The following GRIK2 variants were observed in gnomAD, a reference collection of about 807,000 sequenced individuals.
GRIK2 encodes glutamate ionotropic receptor kainate type subunit 2, also known as glutamate receptor ionotropic, kainate 2.
Under a neutral mutation model 100.3 loss-of-function variants are expected in GRIK2, and 32 were observed. The ratio of observed to expected loss-of-function variants is 0.32; its 90% CI spans 0.24 to 0.43. The LOEUF is 0.43. GRIK2 is among the 20% of genes least tolerant of loss of function. GRIK2 has a pLI of 1.00. For synonymous variants in GRIK2, 417 were observed against 389.4 expected, an observed-to-expected ratio of 1.07 and a Z score of -0.83; for missense variants, 843 against 1,114.9, an observed-to-expected ratio of 0.76 and a Z score of 3.47.
intron 9 of GRIK2, among the ~76,000 whole-genome samples, chr6:101,806,420 A>G (rs1583186680): frequency 6.6e-6 from 1 of 152,018 alleles, no homozygotes; most frequent in African/African-American, 2.4e-5. Context: ...AATTCCCACA[A>G]GCCTCTCTCT....
intron 2 of GRIK2, among the ~76,000 whole-genome samples, chr6:101,429,914 G>A (rs1191626555): frequency 6.6e-6 from 1 of 152,098 alleles, no homozygotes; most frequent in East Asian, 1.9e-4. Context: ...AACAGCCCAC[G>A]GTGTTCTGGC....
At chr6:101,681,782 A>G (rs774366577) in intron 5 of GRIK2, among the ~76,000 whole-genome samples, 4 of 152,146 alleles carry the variant, frequency 2.6e-5, no homozygotes, top group Non-Finnish European at 5.9e-5. Flanking sequence ...ATTGTTTCCT[A>G]CTAAGAACTC....
intron 9 of GRIK2, among the ~76,000 whole-genome samples, chr6:101,817,645 A>G (rs1486682717): frequency 6.6e-6 from 1 of 152,204 alleles, no homozygotes; most frequent in Non-Finnish European, 1.5e-5. Flanking sequence ...GCTTATCTGC[A>G]TTATCTCATA....
chr6:101,865,236 A>C (rs1249618825), intron 11 of GRIK2, among the ~76,000 whole-genome samples: 2 of 152,150 alleles, frequency 1.3e-5, no homozygotes, highest in Non-Finnish European at 2.9e-5. Flanking sequence ...TTTTAAGAAG[A>C]CTCACGATGC....
At chr6:101,415,619 C>T (rs547892040) in intron 2 of GRIK2, among the ~76,000 whole-genome samples, 91 of 152,170 alleles carry the variant, frequency 6.0e-4, no homozygotes, top group African/African-American at 2.1e-3. Flanking sequence ...ATCCACCCGC[C>T]TCGGCCTCCC....
At chr6:101,777,396 G>A (rs1193907379) in intron 7 of GRIK2, among the ~76,000 whole-genome samples, 1 of 152,176 alleles carries the variant, frequency 6.6e-6, no homozygotes, top group South Asian at 2.1e-4. Context: ...TGTGCTGACT[G>A]TGCAAGGGAG....
intron 7 of GRIK2, among the ~76,000 whole-genome samples, chr6:101,797,896 T>G (rs1156266179): frequency 6.7e-6 from 1 of 150,128 alleles, no homozygotes; most frequent in Non-Finnish European, 1.5e-5. Context: ...AATCTAAATC[T>G]AATTTAACAC....
intron 10 of GRIK2, among the ~76,000 whole-genome samples, chr6:101,819,745 C>T (rs922075854): frequency 5.9e-5 from 9 of 152,090 alleles, no homozygotes; most frequent in African/African-American, 1.7e-4. Flanking sequence ...GCAGTAGCCA[C>T]GTAACTATTT....
intron 2 of GRIK2, among the ~76,000 whole-genome samples, chr6:101,449,261 A>G (rs941710130): frequency 1.3e-5 from 2 of 151,712 alleles, no homozygotes; most frequent in Admixed American, 1.3e-4. Context: ...TCTCATTTGT[A>G]AGAATATAAA....
chr6:102,031,440 CTTAT>C (rs1562124936), intron 14 of GRIK2, among the ~76,000 whole-genome samples: 1 of 89,534 alleles, frequency 1.1e-5, no homozygotes, highest in Admixed American at 1.1e-4. Flanking sequence ...ACATATTTTA[CTTAT>C]TTATTTTTAT....
At chr6:101,764,659 T>C (rs1387508435) in intron 7 of GRIK2, among the ~76,000 whole-genome samples, 1 of 152,098 alleles carries the variant, frequency 6.6e-6, no homozygotes, top group East Asian at 1.9e-4. Flanking sequence ...TCATTGTTAT[T>C]ATTTTAAAGT....
chr6:101,858,877 A>G (rs1260398612), intron 10 of GRIK2, among the ~76,000 whole-genome samples: 1 of 151,930 alleles, frequency 6.6e-6, no homozygotes, highest in Non-Finnish European at 1.5e-5. Flanking sequence ...ATCCCATGGA[A>G]ACAGCATACC....
intron 2 of GRIK2, among the ~76,000 whole-genome samples, chr6:101,459,043 A>G (rs1771156186): frequency 6.6e-6 from 1 of 152,150 alleles, no homozygotes; most frequent in Admixed American, 6.5e-5. Context: ...AATGGGGGAA[A>G]AATTCTCTGC....
chr6:101,941,136 A>T lies in GRIK2; in HGVS notation c.2085+12504A>T, dbSNP rs569187002. Among the ~76,000 whole-genome samples the T allele has an allele frequency of 9.9e-5, 15 of 152,246 alleles. No homozygotes were observed. The South Asian group carries it at 2.7e-3, about 27-fold the overall frequency. ...TATGTAGGTGAAATAAATTACAATT[A>T]TAACTATCTAAACCATATGATTATT... On this transcript the variant is annotated intron_variant, in intron 14 of 16. Transcript: ENST00000369134.
chr6:101,462,531 G>T (rs1009864403), intron 2 of GRIK2, among the ~76,000 whole-genome samples: 1 of 152,074 alleles, frequency 6.6e-6, no homozygotes, highest in Non-Finnish European at 1.5e-5. Context: ...AGTATAAAAT[G>T]TTATTTTTCT....
intron 2 of GRIK2, among the ~76,000 whole-genome samples, chr6:101,522,806 A>G (rs993585005): frequency 2.6e-5 from 4 of 151,916 alleles, no homozygotes; most frequent in East Asian, 1.9e-4. Context: ...CTACATTGTA[A>G]GCTCCATGGC....
At chr6:101,778,714 T>G (rs953464024) in intron 7 of GRIK2, among the ~76,000 whole-genome samples, 3 of 152,196 alleles carry the variant, frequency 2.0e-5, no homozygotes, top group African/African-American at 7.2e-5. Context: ...TAACGTTCTG[T>G]TCTGTATTTG....
chr6:101,622,795 A>G (rs1256338564), intron 3 of GRIK2, among the ~76,000 whole-genome samples: 1 of 151,988 alleles, frequency 6.6e-6, no homozygotes, highest in Admixed American at 6.6e-5. Flanking sequence ...ATTTGGTGGA[A>G]TAAAAATTTA....
chr6:101,543,401 A>G (rs535385268), intron 2 of GRIK2, among the ~76,000 whole-genome samples: 1 of 152,330 alleles, frequency 6.6e-6, no homozygotes, highest in South Asian at 2.1e-4. Flanking sequence ...AAAGGTGGGC[A>G]ATAGTTTTGG....
Sources: allele counts gnomAD v4.1 joint callset (sites outside exome capture counted in the v4.1 genomes callset), GRCh38; gene constraint gnomAD v4.1.1; transcripts MANE v1.5; gene names NCBI Gene and HGNC (gene_info 2026-07-23, HGNC 2026-07-21).